The following DGKB variants were observed in gnomAD, a reference collection of about 807,000 sequenced individuals.
DGKB encodes the protein 90 kDa diacylglycerol kinase.
A neutral mutation model predicts 114.3 loss-of-function variants in DGKB; 67 were observed. That is an observed-to-expected ratio of 0.59 (90% CI 0.48 to 0.72). The LOEUF (loss-of-function observed/expected upper bound fraction) is 0.72. Among genes scored for constraint, DGKB ranks in the 30% least tolerant of loss-of-function variants. The pLI, the probability that DGKB is intolerant of heterozygous loss-of-function variation, is 0.00. For missense variants in DGKB, 907 were observed against 975.2 expected, an observed-to-expected ratio of 0.93 and a Z score of 0.93; for synonymous variants, 398 against 323.1, an observed-to-expected ratio of 1.23 and a Z score of -2.49.
intron 1 of DGKB, among the ~76,000 whole-genome samples, chr7:14,879,042 G>A (rs781754246): frequency 6.6e-6 from 1 of 151,754 alleles, no homozygotes; most frequent in Non-Finnish European, 1.5e-5. Context: ...TTATGTTATA[G>A]TAAATTAAAT....
chr7:14,523,978 C>A (rs1790215521), intron 20 of DGKB, among the ~76,000 whole-genome samples: 2 of 152,148 alleles, frequency 1.3e-5, no homozygotes, highest in Non-Finnish European at 2.9e-5. Context: ...TAGACCAGTG[C>A]TAATACTGCT....
chr7:14,269,518 G>T (rs547846698), intron 23 of DGKB, among the ~76,000 whole-genome samples: 6 of 152,250 alleles, frequency 3.9e-5, no homozygotes, highest in Admixed American at 3.3e-4. Context: ...TATATATTTT[G>T]AAGGCTATAT....
intron 12 of DGKB, among the ~76,000 whole-genome samples, chr7:14,677,159 T>C (rs1202077871): frequency 3.3e-5 from 5 of 152,004 alleles, no homozygotes; most frequent in Admixed American, 3.3e-4. Flanking sequence ...AGTGTGTGGA[T>C]GTCTGTGTGC....
At chr7:14,440,433 C>T (rs1242079826) in intron 21 of DGKB, among the ~76,000 whole-genome samples, 3 of 152,068 alleles carry the variant, frequency 2.0e-5, no homozygotes, top group Admixed American at 2.0e-4. Flanking sequence ...CATGTAGCCT[C>T]CAGTGATATA....
intron 22 of DGKB, among the ~76,000 whole-genome samples, chr7:14,343,770 T>A (rs895011655): frequency 1.3e-4 from 20 of 150,832 alleles, no homozygotes; most frequent in African/African-American, 3.4e-4. Context: ...AGCAGTTTTT[T>A]TAAAAAAATA....
intron 25 of DGKB, among the ~76,000 whole-genome samples, chr7:14,158,285 T>C (rs1406636497): frequency 6.6e-6 from 1 of 152,212 alleles, no homozygotes; most frequent in Non-Finnish European, 1.5e-5. Flanking sequence ...TTGGGTGGCA[T>C]TGGGAAATGG....
At chr7:14,603,660 A>T (rs2128770399) in intron 17 of DGKB, among the ~76,000 whole-genome samples, 1 of 152,222 alleles carries the variant, frequency 6.6e-6, no homozygotes, top group East Asian at 1.9e-4. Context: ...TATATTTTTA[A>T]AATTATGTGT....
chr7:14,694,290 G>T, intron 8 of DGKB, 96 bp from the exon 9 acceptor site: 2 of 1,089,630 alleles, frequency 1.8e-6, no homozygotes, highest in South Asian at 1.5e-5. Flanking sequence ...GCTAAGTGGA[G>T]AGTTGGGATA....
At chr7:14,691,647 A>T (rs1241723423) in intron 9 of DGKB, among the ~76,000 whole-genome samples, 1 of 152,180 alleles carries the variant, frequency 6.6e-6, no homozygotes, top group Non-Finnish European at 1.5e-5. Flanking sequence ...TGGCTTATAC[A>T]TTTTATTAAA....
chr7:14,892,765 C>T lies in DGKB; in HGVS notation c.-188+9827G>A, dbSNP rs1275612656. 2.0e-5 allele frequency among the ~76,000 whole-genome samples: 3 copies of T among 150,686 alleles called. No homozygotes were observed. In the Admixed American group the frequency reaches 2.0e-4, roughly 10 times the overall value. ...TATCCCTAACTTATGACTATAAAACCTAAATACCTGTTCAAATTGTTATAT... is the reference window on the plus strand; with the variant it reads ...TATCCCTAACTTATGACTATAAAACTTAAATACCTGTTCAAATTGTTATAT... On this transcript the variant is annotated intron_variant, in intron 1 of 25. Transcript: ENST00000402815.
At chr7:14,440,765 G>A (rs1422454496) in intron 21 of DGKB, among the ~76,000 whole-genome samples, 1 of 152,152 alleles carries the variant, frequency 6.6e-6, no homozygotes, top group Non-Finnish European at 1.5e-5. Context: ...GTGTTGGCAT[G>A]AGCATGTCTT....
At chr7:14,833,921 C>A (rs987410884) in intron 2 of DGKB, among the ~76,000 whole-genome samples, 1 of 152,152 alleles carries the variant, frequency 6.6e-6, no homozygotes, top group Non-Finnish European at 1.5e-5. Flanking sequence ...ATCTTGCATA[C>A]GTAACATTCA....
chr7:14,723,530 C>A (rs1208943430), intron 5 of DGKB, among the ~76,000 whole-genome samples: 1 of 151,828 alleles, frequency 6.6e-6, no homozygotes, highest in Non-Finnish European at 1.5e-5. Context: ...TTAAATATTT[C>A]ATCACAAAAG....
At chr7:14,278,329 A>C (rs1799336692) in intron 23 of DGKB, among the ~76,000 whole-genome samples, 1 of 152,200 alleles carries the variant, frequency 6.6e-6, no homozygotes, top group Admixed American at 6.5e-5. Context: ...AAAAACTAGA[A>C]ATAAACCCAT....
In DGKB at chr7:14,408,840, GA is replaced by G. The variant is rs1252304611; in HGVS notation, c.1836-63450del. Among the ~76,000 whole-genome samples the G allele has an allele frequency of 2.0e-5, 3 of 151,722 alleles. No individual in the cohort carries two copies. The East Asian group carries it at 5.8e-4, about 29-fold the overall frequency. On this transcript the variant is annotated intron_variant, in intron 21 of 25. Coordinates refer to ENST00000402815, the MANE Select transcript of DGKB (RefSeq NM_001350709.2). ...ACTTATTGAAGATTTGGGACAATTT[GA>G]AAAAACTCACAGATGAGCCCTATAA...
intron 1 of DGKB, among the ~76,000 whole-genome samples, chr7:14,856,185 T>C (rs1461045801): frequency 6.6e-6 from 1 of 152,150 alleles, no homozygotes; most frequent in Admixed American, 6.5e-5. Flanking sequence ...TTTCAACTTA[T>C]GAATGTTTCC....
chr7:14,245,078 TGAA>T (rs1480244231), intron 23 of DGKB, among the ~76,000 whole-genome samples: 1 of 152,090 alleles, frequency 6.6e-6, no homozygotes, highest in Non-Finnish European at 1.5e-5. Context: ...TTGAGATTCA[TGAA>T]GATGTCATGA....
intron 2 of DGKB, among the ~76,000 whole-genome samples, chr7:14,824,225 T>G (rs1007507078): frequency 2.0e-5 from 3 of 152,172 alleles, no homozygotes; most frequent in Middle Eastern, 6.3e-3. Flanking sequence ...GAGATTTGGG[T>G]GGAGACACAG....
At chr7:14,729,003 A>G (rs1442114304) in intron 5 of DGKB, among the ~76,000 whole-genome samples, 1 of 151,830 alleles carries the variant, frequency 6.6e-6, no homozygotes, top group Admixed American at 6.6e-5. Context: ...CCAAGGCTCC[A>G]GCCTCTTTTT....
Sources: gnomAD v4.1 joint callset for allele counts (sites outside exome capture counted in the v4.1 genomes callset) on GRCh38, gnomAD v4.1.1 for gene constraint, MANE v1.5 for transcripts, NCBI Gene and HGNC (gene_info 2026-07-23, HGNC 2026-07-21) for gene names.